The following KLHL13 variants were observed in gnomAD, a reference collection of about 807,000 sequenced individuals.
The protein encoded by KLHL13 is kelch-like protein 13.
Under a neutral mutation model 37.1 loss-of-function variants are expected in KLHL13, and 10 were observed. The observed-to-expected ratio is 0.27, with a 90% CI of 0.17 to 0.46. KLHL13 has a LOEUF of 0.46. KLHL13 is among the 20% of genes least tolerant of loss of function. KLHL13 has a pLI of 1.00. For missense variants in KLHL13, 360 were observed against 509.3 expected (o/e 0.71, Z 2.82); for synonymous variants, 163 against 181.2 (o/e 0.90, Z 0.81).
intron 1 of KLHL13, among the ~76,000 whole-genome samples, chrX:117,951,676 T>C (rs958501101): frequency 8.9e-6 from 1 of 112,050 alleles, no homozygotes; most frequent in Admixed American, 9.5e-5. Flanking sequence ...ACAGGCTTCT[T>C]ATATGCATAT....
intron 1 of KLHL13, among the ~76,000 whole-genome samples, chrX:118,031,824 A>C (rs957298166): frequency 3.5e-4 from 38 of 107,951 alleles, no homozygotes; most frequent in African/African-American, 1.2e-3. Flanking sequence ...TTTCCATCTG[A>C]GGTACCGGGT....
Position 117,986,146 on chromosome X carries a change from T to C in KLHL13, c.-55-40571A>G, listed in dbSNP as rs189669333. On this transcript the variant is annotated intron_variant, in intron 1 of 6. Coordinates refer to the KLHL13 transcript ENST00000371882. ...GGGAAGCAGGCATGTATTCTGACAA[T>C]ACAAAATATGGTGTAGAAGCTTTAG... Among the ~76,000 whole-genome samples, 8 of 111,419 alleles carry C rather than the reference T, an allele frequency of 7.2e-5. No homozygotes were observed. In the East Asian group the frequency reaches 2.0e-3, roughly 27 times the overall value.
At chrX:118,052,179 G>A (rs2054621028) in intron 1 of KLHL13, among the ~76,000 whole-genome samples, 1 of 111,080 alleles carries the variant, frequency 9.0e-6, no homozygotes, top group Non-Finnish European at 1.9e-5. Context: ...TATACCATAT[G>A]TTTCAGATAG....
exon 1 of KLHL13, chrX:118,116,556 G>C (rs2055472228): frequency 8.9e-6 from 1 of 112,204 alleles, no homozygotes; most frequent in Non-Finnish European, 1.9e-5. Context: ...CGGGTGCTGC[G>C]CTCCGAGGGC....
chrX:117,905,505 GCACA>G (rs34703680), intron 5 of KLHL13, among the ~76,000 whole-genome samples: 1,554 of 103,227 alleles, frequency 0.015, 22 homozygotes, highest in African/African-American at 0.045. Context: ...GCTAGTGCGT[GCACA>G]CACACACACA....
At chrX:117,964,491 C>A (rs2053376209) in intron 1 of KLHL13, among the ~76,000 whole-genome samples, 1 of 111,900 alleles carries the variant, frequency 8.9e-6, no homozygotes, top group African/African-American at 3.3e-5. Context: ...AGGACTATGC[C>A]CCTAATCCTC....
intron 1 of KLHL13, among the ~76,000 whole-genome samples, chrX:118,043,026 A>C (rs1468236283): frequency 9.0e-6 from 1 of 111,512 alleles, no homozygotes; most frequent in Non-Finnish European, 1.9e-5. Context: ...AAAGACCCAA[A>C]TAAATAAAAT....
intron 1 of KLHL13, among the ~76,000 whole-genome samples, chrX:117,956,982 G>A (rs113477598): frequency 5.4e-5 from 6 of 111,858 alleles, no homozygotes; most frequent in African/African-American, 1.9e-4. Context: ...AGAAATCTCC[G>A]ATGTATCCTG....
At chrX:117,929,398 G>C (rs1384582671) in intron 2 of KLHL13, among the ~76,000 whole-genome samples, 1 of 110,188 alleles carries the variant, frequency 9.1e-6, no homozygotes, top group East Asian at 2.8e-4. Context: ...AAATCCATCG[G>C]GCACAAAGAT....
intron 1 of KLHL13, among the ~76,000 whole-genome samples, chrX:118,034,235 G>A (rs2054403481): frequency 9.5e-6 from 1 of 105,700 alleles, no homozygotes; most frequent in Non-Finnish European, 1.9e-5. Context: ...TCTGCACCAA[G>A]CAGACCTAAT....
chrX:117,899,035 T>C, exon 7 of KLHL13: 1 of 1,211,344 alleles, frequency 8.3e-7, no homozygotes. Flanking sequence ...ATGCCATTCA[T>C]CTTTATCTGG....
At chrX:117,985,465 C>A (rs1282434104) in intron 1 of KLHL13, 33 of 456,395 alleles carry the variant, frequency 7.2e-5, no homozygotes, top group East Asian at 2.4e-4. Flanking sequence ...AAAAAAAAAA[C>A]CTATGTACTG....
At chrX:118,050,503 G>T (rs1236473464) in intron 1 of KLHL13, among the ~76,000 whole-genome samples, 1 of 111,102 alleles carries the variant, frequency 9.0e-6, no homozygotes, top group East Asian at 2.8e-4. Context: ...CTTATCTATA[G>T]GAGTGATCTT....
chrX:118,092,423 G>T (rs941362349), intron 1 of KLHL13, among the ~76,000 whole-genome samples: 2 of 110,980 alleles, frequency 1.8e-5, no homozygotes, highest in African/African-American at 6.5e-5. Flanking sequence ...TGAAAGATAA[G>T]AACTGTCAAC....
chrX:117,972,565 T>C (rs2053542014), intron 1 of KLHL13, among the ~76,000 whole-genome samples: 2 of 112,903 alleles, frequency 1.8e-5, no homozygotes, highest in Non-Finnish European at 3.7e-5. Context: ...AACAAAACAA[T>C]GATGAAGTGT....
intron 1 of KLHL13, among the ~76,000 whole-genome samples, chrX:118,023,925 C>A (rs1225394491): frequency 1.8e-5 from 2 of 111,991 alleles, no homozygotes; most frequent in African/African-American, 3.2e-5. Flanking sequence ...ATGCAAGCAA[C>A]GTTTTGCTCA....
chrX:117,903,553 G>A (rs1930290710), intron 5 of KLHL13, among the ~76,000 whole-genome samples: 1 of 110,426 alleles, frequency 9.1e-6, no homozygotes, highest in South Asian at 3.9e-4. Flanking sequence ...CTTTTCAAAT[G>A]TTCATTTCTA....
At chrX:118,064,136 C>A (rs2054771059) in intron 1 of KLHL13, among the ~76,000 whole-genome samples, 2 of 111,533 alleles carry the variant, frequency 1.8e-5, no homozygotes, top group South Asian at 7.4e-4. Context: ...CAATACCAGA[C>A]AACTTAAACT....
intron 1 of KLHL13, among the ~76,000 whole-genome samples, chrX:118,039,335 C>A (rs1386674739): frequency 8.9e-6 from 1 of 112,090 alleles, no homozygotes; most frequent in Non-Finnish European, 1.9e-5. Flanking sequence ...TGGACCTGCC[C>A]TGGCCAGAGG....
Sources: gnomAD v4.1 joint callset for allele counts (sites outside exome capture counted in the v4.1 genomes callset) on GRCh38, gnomAD v4.1.1 for gene constraint, MANE v1.5 for transcripts, NCBI Gene and HGNC (gene_info 2026-07-23, HGNC 2026-07-21) for gene names.